HMGA2: variants seen among roughly 807,000 people sequenced by gnomAD.
HMGA2 encodes the protein high mobility group AT-hook 2.
In HMGA2, 8 loss-of-function variants were observed where a neutral mutation model predicts 19.1. The observed-to-expected ratio is 0.42, with a 90% CI of 0.25 to 0.76. The LOEUF (loss-of-function observed/expected upper bound fraction) is 0.76. HMGA2 is among the 30% of genes least tolerant of loss of function. The pLI, the probability that HMGA2 is intolerant of heterozygous loss-of-function variation, is 0.28. For missense variants in HMGA2, 109 were observed against 136.3 expected (o/e 0.80, Z 1.00); for synonymous variants, 60 against 48.8 (o/e 1.23, Z -0.96).
intron 3 of HMGA2, among the ~76,000 whole-genome samples, chr12:65,906,706 CAG>C (rs1874606517): frequency 6.6e-6 from 1 of 152,028 alleles, no homozygotes; most frequent in Non-Finnish European, 1.5e-5. Flanking sequence ...GGGAAAGAAA[CAG>C]GGCATTAGAG....
intron 3 of HMGA2, among the ~76,000 whole-genome samples, chr12:65,923,617 T>G (rs1035299885): frequency 3.9e-5 from 6 of 152,210 alleles, no homozygotes; most frequent in Non-Finnish European, 8.8e-5. Flanking sequence ...TGTGGGAACC[T>G]AGAAGAGTAT....
At chr12:65,900,674 C>T (rs1874335771) in intron 3 of HMGA2, among the ~76,000 whole-genome samples, 1 of 152,104 alleles carries the variant, frequency 6.6e-6, no homozygotes, top group Middle Eastern at 3.2e-3. Context: ...TCTAAAAGAC[C>T]ACTAGGAACA....
At chr12:65,949,751 T>G (rs1250031146) in intron 3 of HMGA2, among the ~76,000 whole-genome samples, 2 of 152,192 alleles carry the variant, frequency 1.3e-5, no homozygotes, top group Non-Finnish European at 2.9e-5. Flanking sequence ...TAACACAATA[T>G]TCTTCCCATG....
In HMGA2 at chr12:65,946,087, G is replaced by A. The variant is rs139295309; in HGVS notation, c.250-5296G>A. Among the ~76,000 whole-genome samples the A allele has an allele frequency of 8.0e-3, 1,217 of 152,290 alleles. 19 individuals are homozygous for A. Among genetic ancestry groups the A allele is most frequent in the African/African-American group, 0.028 (1,149 of 41,552 alleles). ...CCTGTGAGATGCTATTTTGTGAGGT[G>A]TGAAAGGCCCCCAAAATGTAACTCT... On this transcript the variant is annotated intron_variant, in intron 3 of 4. Coordinates refer to ENST00000403681, the MANE Select transcript of HMGA2 (RefSeq NM_003483.6).
intron 3 of HMGA2, chr12:65,935,254 T>C (rs1352646691): frequency 6.6e-6 from 1 of 152,196 alleles, no homozygotes; most frequent in Non-Finnish European, 1.5e-5. Context: ...CTTATATGTA[T>C]ATAGGGAATT....
intron 4 of HMGA2, chr12:65,952,401 T>A (rs944224109): frequency 3.6e-5 from 56 of 1,534,836 alleles, no homozygotes; most frequent in Non-Finnish European, 4.7e-5. Context: ...CAATCTTATA[T>A]ATCTACTGTT....
chr12:65,900,628 T>C (rs756756811), intron 3 of HMGA2, among the ~76,000 whole-genome samples: 111 of 152,230 alleles, frequency 7.3e-4, no homozygotes, highest in Non-Finnish European at 1.2e-3. Context: ...GAGCGGGGTA[T>C]GGAGACCACA....
At chr12:65,878,014 C>T (rs190142749) in intron 3 of HMGA2, among the ~76,000 whole-genome samples, 8 of 152,232 alleles carry the variant, frequency 5.3e-5, no homozygotes, top group Non-Finnish European at 8.8e-5. Context: ...GGAGAAGAAC[C>T]TACTTGCACC....
intron 3 of HMGA2, among the ~76,000 whole-genome samples, chr12:65,854,586 T>C (rs1305152455): frequency 6.6e-6 from 1 of 152,246 alleles, no homozygotes; most frequent in African/African-American, 2.4e-5. Flanking sequence ...TATTATTTTT[T>C]AAGTTCCAGG....
intron 3 of HMGA2, among the ~76,000 whole-genome samples, chr12:65,904,427 G>A (rs1874501220): frequency 6.6e-6 from 1 of 152,156 alleles, no homozygotes; most frequent in Non-Finnish European, 1.5e-5. Flanking sequence ...TTCCACAGTA[G>A]AAAGCATTCA....
intron 3 of HMGA2, among the ~76,000 whole-genome samples, chr12:65,946,393 G>T (rs1217952792): frequency 6.6e-6 from 1 of 152,120 alleles, no homozygotes; most frequent in Non-Finnish European, 1.5e-5. Context: ...TAAACCCAGA[G>T]ACTCATCTGC....
chr12:65,858,220 AT>A (rs1184822098), intron 3 of HMGA2: 3 of 152,704 alleles, frequency 2.0e-5, no homozygotes, highest in African/African-American at 7.2e-5. Context: ...GTGTGTACTA[AT>A]TTGAGAAAAT....
chr12:65,964,500 C>G lies in HMGA2; in HGVS notation c.*1208C>G. 1 of 219,204 alleles carries G rather than the reference C, an allele frequency of 4.6e-6. No homozygotes were observed. The highest frequency in any genetic ancestry group is 9.2e-6 in the Non-Finnish European group (1 of 108,996). The allele number at this position is 219,204 out of a possible 1,614,324, so 13.6% of individuals were successfully genotyped here. ...GGCTTGAGTTCACCATCTCTTCATT[C>G]AAACTGCACTTTTAGCCAGAGATGC... On this transcript the variant is annotated 3_prime_UTR_variant, in exon 5 of 5. Transcript: ENST00000403681.
intron 3 of HMGA2, among the ~76,000 whole-genome samples, chr12:65,876,226 C>CA (rs34159695): frequency 1.1e-3 from 164 of 144,974 alleles, no homozygotes; most frequent in African/African-American, 2.9e-3. Flanking sequence ...CCTGTTTTTT[C>CA]AAAAAAAAAA....
At chr12:65,932,034 C>T (rs373694020) in intron 3 of HMGA2, among the ~76,000 whole-genome samples, 16 of 152,098 alleles carry the variant, frequency 1.1e-4, no homozygotes, top group East Asian at 3.9e-4. Flanking sequence ...TTTTCGAGCA[C>T]GAGAAATCTG....
At position 65,837,877 on chromosome 12, in the gene HMGA2, T is replaced by A. The variant is rs552572777; in HGVS notation, c.199-642T>A. Among the ~76,000 whole-genome samples the A allele has an allele frequency of 2.6e-5, 4 of 152,298 alleles. No homozygotes were observed. In the East Asian group the frequency reaches 7.7e-4, roughly 29 times the overall value. ...TTTAATCACTGGGACAAACTGATGATTTCTGCCTGCTTTTTTTTCCTCTGC... is the reference window on the plus strand; with the variant it reads ...TTTAATCACTGGGACAAACTGATGAATTCTGCCTGCTTTTTTTTCCTCTGC... On this transcript the variant is annotated intron_variant, in intron 2 of 4. Transcript: ENST00000403681.
At chr12:65,928,305 A>C (rs975928048) in intron 3 of HMGA2, among the ~76,000 whole-genome samples, 1 of 152,148 alleles carries the variant, frequency 6.6e-6, no homozygotes, top group African/African-American at 2.4e-5. Context: ...AGATTTTAAA[A>C]TGGTACACCT....
intron 3 of HMGA2, among the ~76,000 whole-genome samples, chr12:65,897,137 G>C (rs1874162347): frequency 6.6e-6 from 1 of 152,208 alleles, no homozygotes; most frequent in Non-Finnish European, 1.5e-5. Context: ...TGTGGTGTAT[G>C]TGAGAGATTT....
chr12:65,860,674 T>C (rs1266150226), intron 3 of HMGA2, among the ~76,000 whole-genome samples: 1 of 152,228 alleles, frequency 6.6e-6, no homozygotes, highest in Non-Finnish European at 1.5e-5. Flanking sequence ...CACAAAATGA[T>C]TTCTTTAAAC....
Sources: allele counts gnomAD v4.1 joint callset (sites outside exome capture counted in the v4.1 genomes callset), GRCh38; gene constraint gnomAD v4.1.1; transcripts MANE v1.5; gene names NCBI Gene and HGNC (gene_info 2026-07-23, HGNC 2026-07-21).